Variants in SUGT1 observed in about 807,000 individuals in gnomAD.
SUGT1 encodes SGT1 assembly cochaperone of MIS12 kinetochore complex.
In SUGT1, 15 loss-of-function variants were observed where a neutral mutation model predicts 56.1. That is an observed-to-expected ratio of 0.27 (90% CI 0.18 to 0.41). The LOEUF is 0.41. Among genes scored for constraint, SUGT1 ranks in the 10% least tolerant of loss-of-function variants. The pLI, the probability that SUGT1 is intolerant of heterozygous loss-of-function variation, is 1.00. For missense variants in SUGT1, 347 were observed against 382.2 expected (o/e 0.91, Z 0.77); for synonymous variants, 123 against 128.6 (o/e 0.96, Z 0.30).
rs1211741289 is a variant in SUGT1 at position 52,700,552 on chromosome 13, T to G, written c.*12717T>G. 1.3e-5 allele frequency: 2 copies of G among 152,130 alleles called. No homozygotes were observed. The highest frequency in any genetic ancestry group is 4.8e-5 in the African/African-American group (2 of 41,440). 9.4% of individuals were successfully genotyped at this position (152,130 alleles called of 1,614,324 possible). A position where few individuals can be genotyped will look rare whatever the true frequency, so the allele number is the denominator to read the frequency against. On this transcript the variant is annotated 3_prime_UTR_variant, in exon 13 of 13. Transcript: ENST00000310528. ...TGCATATAGTATATGAGCATGTGTA[T>G]TTGTACAAAAGCCCTTCAAAAGGAG...
At chr13:52,660,236 T>C (rs1426681336) in intron 5 of SUGT1, among the ~76,000 whole-genome samples, 1 of 152,190 alleles carries the variant, frequency 6.6e-6, no homozygotes, top group Non-Finnish European at 1.5e-5. Context: ...CTTTATGTTA[T>C]GATAGAGTTT....
chr13:52,681,596 A>AAG (rs1963376353), intron 12 of SUGT1, among the ~76,000 whole-genome samples: 1 of 152,072 alleles, frequency 6.6e-6, no homozygotes, highest in Non-Finnish European at 1.5e-5. Context: ...GGGAACCTTT[A>AAG]ATCCCAGTGC....
At chr13:52,678,977 C>T (rs542356929) in intron 11 of SUGT1, among the ~76,000 whole-genome samples, 5 of 152,082 alleles carry the variant, frequency 3.3e-5, no homozygotes, top group South Asian at 4.2e-4. Context: ...CCCCCATGCC[C>T]GGCCTCTGTT....
chr13:52,661,589 G>C (rs911664973), intron 5 of SUGT1: 17 of 414,512 alleles, frequency 4.1e-5, no homozygotes, highest in Non-Finnish European at 6.7e-5. Flanking sequence ...CACCATGCCC[G>C]GCCAAAATCT....
intron 10 of SUGT1, among the ~76,000 whole-genome samples, chr13:52,668,324 A>G (rs896038170): frequency 6.6e-6 from 1 of 152,068 alleles, no homozygotes; most frequent in Non-Finnish European, 1.5e-5. Flanking sequence ...ATACTGTGTT[A>G]GTATTTATTA....
Position 52,658,452 on chromosome 13 carries a change from G to C in SUGT1, c.241G>C (p.Ala81Pro). The change falls in exon 4 of 13, where the codon GCT becomes CCT. Residue 81 changes from alanine to proline, a missense_variant. By Grantham distance (27) the Ala-to-Pro change is conservative (BLOSUM62 -1). Transcript: ENST00000310528. ...SLELNPNNSTAMLRKGICEYH... is the reference protein window; with the variant it reads ...SLELNPNNSTPMLRKGICEYH... ...AGAACTCAATCCAAATAATTCCACTGCTATGCTGAGAAAAGGGTATGCAGT... is the reference window on the plus strand; with the variant it reads ...AGAACTCAATCCAAATAATTCCACTCCTATGCTGAGAAAAGGGTATGCAGT... The C allele has an allele frequency of 6.2e-7, 1 of 1,612,988 alleles. No homozygotes were observed. Among genetic ancestry groups the C allele is most frequent in the Non-Finnish European group, 8.5e-7 (1 of 1,179,702 alleles).
At chr13:52,678,117 C>T (rs142904097) in intron 11 of SUGT1, among the ~76,000 whole-genome samples, 1 of 152,272 alleles carries the variant, frequency 6.6e-6, no homozygotes, top group East Asian at 1.9e-4. Flanking sequence ...CTCATCCTTC[C>T]TGGGAGTCAG....
rs780578726 is a variant in SUGT1, at chr13:52,658,462, GAA to G, written c.254_255del (p.Lys85ArgfsTer4). On this transcript the variant is annotated frameshift_variant, in exon 4 of 13. Coordinates refer to ENST00000310528, the MANE Select transcript of SUGT1 (RefSeq NM_006704.5). LOFTEE classifies it high-confidence loss of function. ...CCAAATAATTCCACTGCTATGCTGA[GAA>G]AAGGGTATGCAGTAGCTACTCTTCT... 1 of 1,612,232 alleles carries G rather than the reference GAA, an allele frequency of 6.2e-7. No individual in the cohort carries two copies. The highest frequency in any genetic ancestry group is 8.5e-7 in the Non-Finnish European group (1 of 1,179,522).
chr13:52,676,532 A>G (rs537654037), intron 11 of SUGT1, among the ~76,000 whole-genome samples: 1 of 152,308 alleles, frequency 6.6e-6, no homozygotes, highest in South Asian at 2.1e-4. Flanking sequence ...ATGGCAGCAA[A>G]ATCCTAGAGG....
intron 12 of SUGT1, 154 bp from the exon 13 acceptor site, chr13:52,687,580 C>A (rs1963646181): frequency 1.3e-5 from 5 of 385,498 alleles, no homozygotes; most frequent in Non-Finnish European, 2.3e-5. Flanking sequence ...TATATTTTAT[C>A]TGTATAATCT....
chr13:52,679,706 T>G (rs1963292177), intron 11 of SUGT1, among the ~76,000 whole-genome samples: 1 of 152,214 alleles, frequency 6.6e-6, no homozygotes, highest in South Asian at 2.1e-4. Flanking sequence ...TAATCTAATT[T>G]TGTATAGCAT....
At chr13:52,656,046 G>A (rs1962153050) in intron 2 of SUGT1, among the ~76,000 whole-genome samples, 4 of 152,198 alleles carry the variant, frequency 2.6e-5, no homozygotes, top group Admixed American at 2.6e-4. Context: ...GCCACAGAGA[G>A]ATCAAGTCAG....
chr13:52,676,009 T>C (rs930340911), intron 10 of SUGT1, among the ~76,000 whole-genome samples: 2 of 152,218 alleles, frequency 1.3e-5, no homozygotes, highest in African/African-American at 2.4e-5. Flanking sequence ...TCTTCTTGAT[T>C]ATAGCTTATA....
chr13:52,679,866 C>A (rs1201159783), intron 11 of SUGT1, 108 bp from the exon 12 acceptor site: 11 of 1,101,254 alleles, frequency 1.0e-5, no homozygotes, highest in Middle Eastern at 3.1e-4. Flanking sequence ...AATTCAGTAA[C>A]CTAAACTGTT....
In SUGT1 at chr13:52,679,922, G is replaced by A. The variant is rs780880875; in HGVS notation, c.719-52G>A. ...ATGGTCACAAAGTTTACATATTCTC[G>A]ACATAATTGAAACATGTTGATTAAT... On this transcript the variant is annotated intron_variant, in intron 11 of 12. Transcript: ENST00000310528. 205 of 1,510,434 alleles carry A rather than the reference G, an allele frequency of 1.4e-4. 1 individual carries two copies. The highest frequency in any genetic ancestry group is 1.6e-4 in the Non-Finnish European group (179 of 1,131,092). 93.6% of individuals were successfully genotyped at this position (1,510,434 alleles called of 1,614,324 possible).
At chr13:52,685,028 A>G (rs1007359627) in intron 12 of SUGT1, among the ~76,000 whole-genome samples, 1 of 150,808 alleles carries the variant, frequency 6.6e-6, no homozygotes, top group African/African-American at 2.4e-5. Flanking sequence ...CTTGAGTCCC[A>G]AGGTCCCTGG....
At chr13:52,677,523 T>TA (rs1484221862) in intron 11 of SUGT1, among the ~76,000 whole-genome samples, 2 of 152,200 alleles carry the variant, frequency 1.3e-5, no homozygotes, top group South Asian at 4.1e-4. Context: ...CTGAAAGCTT[T>TA]AAAAAATATA....
chr13:52,684,156 C>G (rs1320186378), intron 12 of SUGT1, among the ~76,000 whole-genome samples: 1 of 152,134 alleles, frequency 6.6e-6, no homozygotes, highest in Non-Finnish European at 1.5e-5. Flanking sequence ...CCACCTTGGC[C>G]TCCCAAAGTG....
intron 2 of SUGT1, among the ~76,000 whole-genome samples, chr13:52,653,389 T>A (rs1039666447): frequency 8.5e-6 from 1 of 117,540 alleles, no homozygotes; most frequent in Non-Finnish European, 2.0e-5. Flanking sequence ...TGAAAGGATT[T>A]TTTTTTTAAT....
Sources: gnomAD v4.1 joint callset for allele counts (sites outside exome capture counted in the v4.1 genomes callset) on GRCh38, gnomAD v4.1.1 for gene constraint, MANE v1.5 for transcripts, NCBI Gene and HGNC (gene_info 2026-07-23, HGNC 2026-07-21) for gene names.